ASB3: variants seen among roughly 807,000 people sequenced by gnomAD.
ASB3 encodes ankyrin repeat and SOCS box containing 3.
A neutral mutation model predicts 54.5 loss-of-function variants in ASB3; 41 were observed. The ratio of observed to expected loss-of-function variants is 0.75; its 90% confidence interval spans 0.59 to 0.98. ASB3 has a LOEUF of 0.98. Among genes scored for constraint, ASB3 ranks in the 50% least tolerant of loss-of-function variants. The probability of loss-of-function intolerance (pLI) is 0.00; values close to 1 mark genes in which losing one functional copy is unlikely to be tolerated. For synonymous variants in ASB3, 266 were observed against 221.2 expected, an observed-to-expected ratio of 1.20 and a Z score of -1.80; for missense variants, 733 against 620.0, an observed-to-expected ratio of 1.18 and a Z score of -1.94.
intron 1 of ASB3, chr2:53,771,959 C>CT: frequency 3.6e-6 from 5 of 1,373,574 alleles, no homozygotes; most frequent in Non-Finnish European, 5.0e-6. Context: ...TATAAATATT[C>CT]TTTTTTGTAT....
At chr2:53,774,162 T>C (rs1213161189) in intron 1 of ASB3, 1 of 1,610,226 alleles carries the variant, frequency 6.2e-7, no homozygotes. Flanking sequence ...GGGGTGTTGC[T>C]TACAGATTGC....
intron 5 of ASB3, among the ~76,000 whole-genome samples, chr2:53,721,365 G>C (rs1204990312): frequency 1.5e-5 from 2 of 130,936 alleles, no homozygotes; most frequent in Non-Finnish European, 3.2e-5. Context: ...GACCAGCCTG[G>C]AAATGTGGTG....
chr2:53,761,770 T>C (rs1673162116), intron 2 of ASB3, among the ~76,000 whole-genome samples: 1 of 152,246 alleles, frequency 6.6e-6, no homozygotes, highest in African/African-American at 2.4e-5. Context: ...CTATTGGTTC[T>C]ATTTCTCCAG....
intron 7 of ASB3, among the ~76,000 whole-genome samples, chr2:53,707,313 A>G (rs1406570270): frequency 6.6e-6 from 1 of 152,224 alleles, no homozygotes; most frequent in African/African-American, 2.4e-5. Context: ...TCTGTGGATC[A>G]GCAGCATTGG....
rs141422815 is a variant in ASB3, at chr2:53,716,645, C to T, written c.703G>A (p.Gly235Arg). 9.3e-6 allele frequency: 15 copies of T among 1,614,168 alleles called. No individual in the cohort carries two copies. The highest frequency in any genetic ancestry group is 1.3e-5 in the Non-Finnish European group (15 of 1,180,014). The change falls in exon 6 of 10, where the codon GGG (glycine) becomes AGG (arginine). Residue 235 changes from glycine (G) to arginine (R), a missense_variant. Coordinates refer to ENST00000263634, the MANE Select transcript of ASB3 (RefSeq NM_016115.5). ...TTACAGTAAAGATCAGGATCTGCCCCACTGGAGAGCAAAAGCTCCACACAT... is the reference window on the plus strand; with the variant it reads ...TTACAGTAAAGATCAGGATCTGCCCTACTGGAGAGCAAAAGCTCCACACAT... Reference protein sequence around the residue: ...TKCVELLLSSGADPDLYCNED... With the variant: ...TKCVELLLSSRADPDLYCNED...
chr2:53,735,208 C>T (rs1464337045), intron 3 of ASB3, among the ~76,000 whole-genome samples: 1 of 152,084 alleles, frequency 6.6e-6, no homozygotes, highest in Non-Finnish European at 1.5e-5. Flanking sequence ...ACATGAGCCA[C>T]CACGCCCGGC....
Position 53,786,901 on chromosome 2 carries a change from C to G in ASB3, c.-94G>C. On this transcript the variant is annotated 5_prime_UTR_variant, in exon 1 of 10. Coordinates refer to ENST00000263634, the MANE Select transcript of ASB3 (RefSeq NM_016115.5). ...GCTGCGTCCCAGAAGCCCCCGCTTT[C>G]GATCCCCACCGCGATGCTGCAGCCG... 2.9e-6 allele frequency: 1 copy of G among 340,234 alleles called. No homozygotes were observed. Among genetic ancestry groups the G allele is most frequent in the South Asian group, 7.3e-5 (1 of 13,626 alleles). The allele number at this position is 340,234 out of a possible 1,614,324, so 21.1% of individuals were successfully genotyped here. A position where few individuals can be genotyped will look rare whatever the true frequency, so the allele number is the denominator to read the frequency against.
chr2:53,689,131 ATCATG>A lies in ASB3; in HGVS notation c.1369+4748_1369+4752del, dbSNP rs1441611467. Among the ~76,000 whole-genome samples the A allele has an allele frequency of 2.0e-5, 3 of 152,020 alleles. No homozygotes were observed. In the East Asian group the frequency reaches 5.8e-4, roughly 29 times the overall value. ...CTATATTAAGAGTTAAAAAAGATAA[ATCATG>A]TCAAGTTTAAAATGAATAAATTTGG... On this transcript the variant is annotated intron_variant, in intron 9 of 9. Transcript: ENST00000263634.
intron 9 of ASB3, among the ~76,000 whole-genome samples, chr2:53,680,148 T>A (rs1182913244): frequency 6.6e-6 from 1 of 152,206 alleles, no homozygotes; most frequent in African/African-American, 2.4e-5. Flanking sequence ...CTACCACTGA[T>A]GGGCATTTAG....
At chr2:53,756,656 C>T (rs1672844292) in intron 2 of ASB3, among the ~76,000 whole-genome samples, 1 of 152,152 alleles carries the variant, frequency 6.6e-6, no homozygotes, top group African/African-American at 2.4e-5. Flanking sequence ...CCCTTTGGGT[C>T]CCCTCCCATT....
intron 7 of ASB3, among the ~76,000 whole-genome samples, chr2:53,713,786 A>C (rs1310825861): frequency 6.6e-6 from 1 of 151,898 alleles, no homozygotes; most frequent in Non-Finnish European, 1.5e-5. Flanking sequence ...GGTGGTGTAC[A>C]CCTGTAGACC....
At chr2:53,737,102 C>A (rs1671680995) in intron 3 of ASB3, among the ~76,000 whole-genome samples, 1 of 152,134 alleles carries the variant, frequency 6.6e-6, no homozygotes, top group African/African-American at 2.4e-5. Context: ...TGGTACTAAA[C>A]TAGCCATCCA....
At chr2:53,747,587 T>G (rs1672294464) in intron 3 of ASB3, among the ~76,000 whole-genome samples, 1 of 152,184 alleles carries the variant, frequency 6.6e-6, no homozygotes, top group African/African-American at 2.4e-5. Flanking sequence ...ACAAATGTTG[T>G]TTAAGAGAGG....
chr2:53,778,046 G>A (rs891948544), intron 1 of ASB3, among the ~76,000 whole-genome samples: 3 of 151,586 alleles, frequency 2.0e-5, no homozygotes, highest in Admixed American at 6.6e-5. Flanking sequence ...CTACTTGGGA[G>A]GCTAAGCCAG....
intron 4 of ASB3, among the ~76,000 whole-genome samples, 157 bp from the exon 5 acceptor site, chr2:53,729,004 A>G (rs1415677897): frequency 6.6e-6 from 1 of 152,154 alleles, no homozygotes; most frequent in Non-Finnish European, 1.5e-5. Flanking sequence ...TTGGAAAGAA[A>G]TTGGCCAAAC....
chr2:53,766,529 G>C (rs1673467607), intron 1 of ASB3, among the ~76,000 whole-genome samples: 1 of 152,012 alleles, frequency 6.6e-6, no homozygotes, highest in South Asian at 2.1e-4. Context: ...ATTCTTATGA[G>C]ACACATGTAG....
intron 9 of ASB3, among the ~76,000 whole-genome samples, chr2:53,685,687 G>A (rs1279688266): frequency 1.3e-5 from 2 of 152,152 alleles, no homozygotes; most frequent in Non-Finnish European, 1.5e-5. Flanking sequence ...ATCTGCATCT[G>A]CTAATTCTTT....
intron 5 of ASB3, among the ~76,000 whole-genome samples, chr2:53,718,325 G>A (rs1033844854): frequency 6.6e-6 from 1 of 152,150 alleles, no homozygotes; most frequent in Non-Finnish European, 1.5e-5. Flanking sequence ...CTTCTCAGCA[G>A]AAACCTTACA....
At chr2:53,674,740 A>G (rs1421688350) in intron 9 of ASB3, among the ~76,000 whole-genome samples, 2 of 152,100 alleles carry the variant, frequency 1.3e-5, no homozygotes, top group Admixed American at 6.6e-5. Context: ...CATCATTAAT[A>G]TATTGTCTTT....
Sources: gnomAD v4.1 joint callset for allele counts (sites outside exome capture counted in the v4.1 genomes callset) on GRCh38, gnomAD v4.1.1 for gene constraint, MANE v1.5 for transcripts, NCBI Gene and HGNC (gene_info 2026-07-23, HGNC 2026-07-21) for gene names.